DPP9: variants seen among roughly 807,000 people sequenced by gnomAD.
The protein encoded by DPP9 is dipeptidyl peptidase 9, also known as dipeptidyl peptidase IV-related protein-2.
Under a neutral mutation model 110.7 loss-of-function variants are expected in DPP9, and 50 were observed. That is an observed-to-expected ratio of 0.45 (90% CI 0.36 to 0.57). The LOEUF is 0.57. DPP9 is among the 20% of genes least tolerant of loss of function. DPP9 has a pLI of 0.00. For synonymous variants in DPP9, 561 were observed against 514.4 expected (o/e 1.09, Z -1.23); for missense variants, 1,022 against 1,217.9 (o/e 0.84, Z 2.39).
rs772322208 is a variant in DPP9 at position 4,689,594 on chromosome 19, G to A, written c.1725C>T (p.Phe575=). 12 of 1,570,070 alleles carry A rather than the reference G, an allele frequency of 7.6e-6. No individual in the cohort carries two copies. The highest frequency in any genetic ancestry group is 1.2e-5 in the South Asian group (1 of 85,504). ...GEIVRLTTPG[F]SHSCSMSQNF... is the part of the protein sequence containing the mutation. ...CCTGGCTCATGGAGCAGCTATGGGA[G>A]AAGCCGGGCGTGGTGAGGCGTACGA... Residue 575 remains phenylalanine, a synonymous_variant, in exon 15 of 22, where the codon TTC becomes TTT. Coordinates refer to ENST00000262960, the MANE Select transcript of DPP9 (RefSeq NM_139159.5). The surrounding 1 kb of genome is among the most constrained non-coding windows in gnomAD (Gnocchi z 7.0).
rs186754934 is a variant in DPP9 at position 4,680,478 on chromosome 19, G to A, written c.2475-532C>T. On this transcript the variant is annotated intron_variant, in intron 20 of 21. Transcript: ENST00000262960. ...TGCCTGTAATCCCAGTACTTTGGGA[G>A]GCCAAGCTGGGTGGATTGAGTCCAG... is the stretch of plus-strand genomic sequence containing the variant. Among the ~76,000 whole-genome samples the A allele has an allele frequency of 5.3e-4, 80 of 151,944 alleles. 1 individual carries two copies. The highest frequency in any genetic ancestry group is 1.9e-3 in the African/African-American group (79 of 41,446).
chr19:4,690,474 A>G (rs1167621761), intron 14 of DPP9, among the ~76,000 whole-genome samples: 1 of 152,218 alleles, frequency 6.6e-6, no homozygotes, highest in African/African-American at 2.4e-5. Flanking sequence ...ACAGCGGGGC[A>G]CAAGCTTCCA....
rs552486275 is a variant in DPP9, at chr19:4,709,915, T to C, written c.314-3945A>G. On this transcript the variant is annotated intron_variant, in intron 4 of 21. Transcript: ENST00000262960. ...CAAACAGGAAATCAAAGCCACAGAC[T>C]TGCCAAGGACACCAGGGCCACCTCC... Among the ~76,000 whole-genome samples the C allele has an allele frequency of 3.9e-5, 6 of 152,316 alleles. No individual in the cohort carries two copies. The East Asian group carries it at 1.2e-3, about 29-fold the overall frequency.
rs780513739 is a variant in DPP9, at chr19:4,697,564, G to A, written c.1162C>T (p.Arg388Trp). 35 of 1,613,378 alleles carry A rather than the reference G, an allele frequency of 2.2e-5. No individual in the cohort carries two copies. Among genetic ancestry groups the A allele is most frequent in the East Asian group, 4.5e-5 (2 of 44,858 alleles). ...AGAGACACTCACTATTTGCCATCCC[G>A]GGTCCACCCGGCCCTGGCGATGTAC... ...VEYIARAGWT[R>W]DGKYAWAMFL... is the part of the protein sequence containing the mutation. Residue 388 changes from arginine (R) to tryptophan (W), a missense_variant, in exon 11 of 22, where the codon CGG (arginine) becomes TGG (tryptophan). By Grantham distance (101) the Arg-to-Trp change is moderately radical. Coordinates refer to ENST00000262960, the MANE Select transcript of DPP9 (RefSeq NM_139159.5).
chr19:4,709,920 AAGGACACC>A (rs2092752955), intron 4 of DPP9, among the ~76,000 whole-genome samples: 1 of 152,214 alleles, frequency 6.6e-6, no homozygotes. Context: ...CAGACTTGCC[AAGGACACC>A]AGGGCCACCT....
chr19:4,721,400 G>A (rs116413741), intron 2 of DPP9, among the ~76,000 whole-genome samples: 2 of 152,192 alleles, frequency 1.3e-5, no homozygotes, highest in Admixed American at 6.5e-5. Flanking sequence ...GCCGTCTAAA[G>A]TCAAAGGGGC....
chr19:4,717,664 G>A (rs979346361), intron 3 of DPP9: 6 of 152,214 alleles, frequency 3.9e-5, no homozygotes, highest in Non-Finnish European at 8.8e-5. Flanking sequence ...TCCCGGAGAT[G>A]AGAAATGAAA....
intron 20 of DPP9, among the ~76,000 whole-genome samples, chr19:4,681,433 G>A (rs569268805): frequency 8.6e-5 from 13 of 150,662 alleles, no homozygotes; most frequent in African/African-American, 3.2e-4. Context: ...CTCCTGCCTC[G>A]GCCTCCTTGA....
At chr19:4,699,320 T>A (rs896033081) in intron 10 of DPP9, among the ~76,000 whole-genome samples, 1 of 152,048 alleles carries the variant, frequency 6.6e-6, no homozygotes, top group African/African-American at 2.4e-5. Flanking sequence ...ACGCCTGGTG[T>A]CCCCATCATC....
At position 4,700,787 on chromosome 19, in the gene DPP9, A is replaced by G. The variant is rs1194325426; in HGVS notation, c.1013-510T>C. Among the ~76,000 whole-genome samples the G allele has an allele frequency of 6.6e-6, 1 of 152,168 alleles. No individual in the cohort carries two copies. The highest frequency in any genetic ancestry group is 1.5e-5 in the Non-Finnish European group (1 of 68,034). ...TAAGGGACCCAAGAGGCTTCTGAAG[A>G]GTGGGACTTAGTTCAGGCTCCGAAA... On this transcript the variant is annotated intron_variant, in intron 9 of 21. Transcript: ENST00000262960. This position sits in a 1 kb window ranked among gnomAD's most constrained non-coding sequence, Gnocchi z 4.3.
chr19:4,714,472 C>G (rs1426343108), intron 3 of DPP9, 135 bp from the exon 4 acceptor site: 1 of 1,189,964 alleles, frequency 8.4e-7, no homozygotes, highest in South Asian at 1.6e-5. Flanking sequence ...TCCCTAAACA[C>G]TTCTTGGGTT....
chr19:4,696,642 G>C (rs1177098052), intron 11 of DPP9, among the ~76,000 whole-genome samples: 1 of 151,290 alleles, frequency 6.6e-6, no homozygotes, highest in Non-Finnish European at 1.5e-5. Flanking sequence ...GCCTGTACTC[G>C]GGAGGCTGAG....
chr19:4,709,926 A>G (rs915641916), intron 4 of DPP9, among the ~76,000 whole-genome samples: 1 of 152,224 alleles, frequency 6.6e-6, no homozygotes, highest in Non-Finnish European at 1.5e-5. Flanking sequence ...TGCCAAGGAC[A>G]CCAGGGCCAC....
In DPP9 at chr19:4,722,518, G is replaced by C. The variant is rs986063952; in HGVS notation, c.-55C>G. 1 of 702,992 alleles carries C rather than the reference G, an allele frequency of 1.4e-6. No individual in the cohort carries two copies. Among genetic ancestry groups the C allele is most frequent in the African/African-American group, 1.7e-5 (1 of 57,246 alleles). The allele number at this position is 702,992 out of a possible 1,614,324, so 43.5% of individuals were successfully genotyped here. On this transcript the variant is annotated 5_prime_UTR_variant, in exon 2 of 22. Coordinates refer to ENST00000262960, the MANE Select transcript of DPP9 (RefSeq NM_139159.5). ...ACTGACCTTCTAAAGGGTCCAGAGA[G>C]CCTCCATTCCAGCTGCAGGCGTGGG...
intron 19 of DPP9, 88 bp downstream of exon 19, chr19:4,683,389 G>C: frequency 1.3e-6 from 2 of 1,570,718 alleles, no homozygotes; most frequent in Non-Finnish European, 1.7e-6. Flanking sequence ...GGTGGGCTCC[G>C]GGTGGCGCGG....
chr19:4,683,152 C>A, intron 19 of DPP9: 13 of 1,443,842 alleles, frequency 9.0e-6, no homozygotes, highest in Non-Finnish European at 1.2e-5. Flanking sequence ...CTGCCGCCGG[C>A]CTGGGGCCCC....
chr19:4,678,615 T>C (rs1458741243), intron 21 of DPP9, among the ~76,000 whole-genome samples: 2 of 152,006 alleles, frequency 1.3e-5, no homozygotes, highest in Admixed American at 1.3e-4. Context: ...TATCACTCCC[T>C]GGGCTGCTTG....
rs923316365 is a variant in DPP9 at position 4,684,562 on chromosome 19, C to T, written c.2178+101G>A. The T allele has an allele frequency of 1.7e-5, 23 of 1,391,358 alleles. No individual in the cohort carries two copies. The highest frequency in any genetic ancestry group is 1.6e-4 in the Admixed American group (7 of 43,478). The allele number at this position is 1,391,358 out of a possible 1,614,324, so 86.2% of individuals were successfully genotyped here. Reference sequence around the variant, plus strand: ...CACCCCAGCCAGAAGTGCCCTTCTGCGGGTGGTATTCCAGAGCCGCTCCCA... The same window carrying T: ...CACCCCAGCCAGAAGTGCCCTTCTGTGGGTGGTATTCCAGAGCCGCTCCCA... On this transcript the variant is annotated intron_variant, in intron 18 of 21. Coordinates refer to ENST00000262960, the MANE Select transcript of DPP9 (RefSeq NM_139159.5). This position sits in a 1 kb window ranked among gnomAD's most constrained non-coding sequence, Gnocchi z 4.8.
Position 4,694,738 on chromosome 19 carries a change from A to G in DPP9, c.1439T>C (p.Phe480Ser). The G allele has an allele frequency of 6.2e-7, 1 of 1,613,898 alleles. No individual in the cohort carries two copies. The highest frequency in any genetic ancestry group is 8.5e-7 in the Non-Finnish European group (1 of 1,179,860). The part of the protein sequence containing the change: ...FLRANECKTG[F>S]CHLYKVTAVL... ...GGCGGTGACTTTGTACAAATGGCAG[A>G]AGCCGGTCTTGCATTCATTGGCGCG... The change falls in exon 13 of 22, where the codon TTC becomes TCC. Residue 480 changes from phenylalanine (F) to serine (S), a missense_variant. This residue lies in a region of DPP9 where 810 missense variants were observed against 920.6 expected (regional missense o/e 0.88). Transcript: ENST00000262960. The surrounding 1 kb of genome is among the most constrained non-coding windows in gnomAD (Gnocchi z 4.0).
Sources: allele counts gnomAD v4.1 joint callset (sites outside exome capture counted in the v4.1 genomes callset), GRCh38; gene constraint gnomAD v4.1.1; regional missense constraint gnomAD v4.1.1; non-coding constraint Gnocchi (gnomAD v3.1); transcripts MANE v1.5; gene names NCBI Gene and HGNC (gene_info 2026-07-23, HGNC 2026-07-21).